The following SMYD3 variants were observed in gnomAD, a reference collection of about 807,000 sequenced individuals.
SMYD3 encodes histone-lysine N-methyltransferase SMYD3.
Under a neutral mutation model 57.7 loss-of-function variants are expected in SMYD3, and 36 were observed. The ratio of observed to expected loss-of-function variants is 0.62; its 90% confidence interval spans 0.48 to 0.82. The LOEUF is 0.82. Ranked by LOEUF, SMYD3 falls within the 40% of genes least tolerant of loss-of-function variation. The pLI, the probability that SMYD3 is intolerant of heterozygous loss-of-function variation, is 0.00. For synonymous variants in SMYD3, 211 were observed against 195.0 expected (o/e 1.08, Z -0.68); for missense variants, 515 against 538.8 (o/e 0.96, Z 0.44).
chr1:246,085,250 G>A (rs2060703331), intron 5 of SMYD3, among the ~76,000 whole-genome samples: 1 of 152,114 alleles, frequency 6.6e-6, no homozygotes, highest in African/African-American at 2.4e-5. Context: ...GTACCCTAAT[G>A]AGGAATTAAT....
chr1:246,423,327 T>C (rs1264441836), intron 1 of SMYD3, among the ~76,000 whole-genome samples: 3 of 143,834 alleles, frequency 2.1e-5, no homozygotes, highest in African/African-American at 7.7e-5. Flanking sequence ...AAAAGAAAAA[T>C]AGAGTCAGAA....
intron 5 of SMYD3, among the ~76,000 whole-genome samples, chr1:246,170,446 T>C (rs1367376557): frequency 6.6e-6 from 1 of 151,186 alleles, no homozygotes; most frequent in African/African-American, 2.4e-5. Flanking sequence ...AAAAGTATAA[T>C]TACTGCTTTC....
chr1:246,208,329 T>A (rs1481608851), intron 5 of SMYD3, among the ~76,000 whole-genome samples: 3 of 152,134 alleles, frequency 2.0e-5, no homozygotes, highest in African/African-American at 7.2e-5. Context: ...GGAGCTGATA[T>A]GACTGTAAAA....
At chr1:246,490,069 T>C (rs2068246622) in intron 1 of SMYD3, among the ~76,000 whole-genome samples, 2 of 147,660 alleles carry the variant, frequency 1.4e-5, no homozygotes. Flanking sequence ...CTGGAGCTTC[T>C]GGGCTCAAGT....
At chr1:246,414,424 G>C (rs1572478980) in intron 1 of SMYD3, among the ~76,000 whole-genome samples, 1 of 152,170 alleles carries the variant, frequency 6.6e-6, no homozygotes, top group Non-Finnish European at 1.5e-5. Flanking sequence ...GGGACACAGA[G>C]GAGGGTCCAC....
At chr1:245,944,450 T>C (rs751174930) in intron 5 of SMYD3, among the ~76,000 whole-genome samples, 3 of 152,018 alleles carry the variant, frequency 2.0e-5, no homozygotes, top group Non-Finnish European at 4.4e-5. Context: ...ATAAAGAATC[T>C]CTTCAAGGAG....
chr1:245,875,596 A>G (rs1046457161), intron 8 of SMYD3, among the ~76,000 whole-genome samples: 2 of 152,206 alleles, frequency 1.3e-5, no homozygotes, highest in Admixed American at 6.5e-5. Context: ...GATGTTCAAA[A>G]TGGCTTTTTG....
chr1:245,869,499 G>C (rs2052058689), intron 8 of SMYD3, among the ~76,000 whole-genome samples: 1 of 152,140 alleles, frequency 6.6e-6, no homozygotes, highest in Non-Finnish European at 1.5e-5. Flanking sequence ...TCCATCTCTG[G>C]TGACTGCTCT....
chr1:246,137,592 C>G (rs1558260337), intron 5 of SMYD3, among the ~76,000 whole-genome samples: 2 of 152,072 alleles, frequency 1.3e-5, no homozygotes, highest in Non-Finnish European at 2.9e-5. Context: ...CACTGGATAC[C>G]ATAACAACCT....
intron 10 of SMYD3, among the ~76,000 whole-genome samples, chr1:245,770,279 G>A (rs959625461): frequency 6.6e-6 from 1 of 152,194 alleles, no homozygotes. Context: ...GAGACAGAGA[G>A]GCTCACCAGC....
chr1:246,348,990 G>C (rs901442115), intron 2 of SMYD3, among the ~76,000 whole-genome samples: 1 of 152,030 alleles, frequency 6.6e-6, no homozygotes, highest in African/African-American at 2.4e-5. Flanking sequence ...GTACCCTGTG[G>C]AATTACCCTT....
chr1:245,812,150 A>G (rs2048507714), intron 10 of SMYD3, among the ~76,000 whole-genome samples: 1 of 152,206 alleles, frequency 6.6e-6, no homozygotes, highest in African/African-American at 2.4e-5. Context: ...GTGTGTGGGC[A>G]ACTCACTTTA....
rs565631142 is a variant in SMYD3 at position 246,152,241 on chromosome 1, G to A, written c.531+174960C>T. Among the ~76,000 whole-genome samples, 7 of 152,306 alleles carry A rather than the reference G, an allele frequency of 4.6e-5. No homozygotes were observed. The East Asian group carries it at 1.4e-3, about 29-fold the overall frequency. ...AGGCAGCCTGGGACACCTGGCGTCT[G>A]GAGAGCAGGGATGACGATGTAGAGA... is the stretch of plus-strand genomic sequence containing the variant. On this transcript the variant is annotated intron_variant, in intron 5 of 11. Coordinates refer to ENST00000490107, the MANE Select transcript of SMYD3 (RefSeq NM_001167740.2).
In SMYD3 at chr1:245,818,656, C is replaced by T. The variant is rs28829977; in HGVS notation, c.1076+39840G>A. Among the ~76,000 whole-genome samples, 1,356 of 151,402 alleles carry T rather than the reference C, an allele frequency of 9.0e-3. 12 individuals carry two copies. Among genetic ancestry groups the T allele is most frequent in the African/African-American group, 0.03 (1,230 of 40,982 alleles). ...TGCTGTATTCAGGAAACCCATCTCA[C>T]GAGCAGAGACACACATAGGCTCAAA... On this transcript the variant is annotated intron_variant, in intron 10 of 11. Transcript: ENST00000490107.
intron 1 of SMYD3, among the ~76,000 whole-genome samples, chr1:246,475,517 G>A (rs923672555): frequency 2.6e-5 from 4 of 151,772 alleles, no homozygotes; most frequent in African/African-American, 7.3e-5. Flanking sequence ...ATGATGGCGC[G>A]TGCCTGTAGT....
At chr1:246,320,593 T>C (rs1471521404) in intron 5 of SMYD3, among the ~76,000 whole-genome samples, 1 of 152,212 alleles carries the variant, frequency 6.6e-6, no homozygotes, top group African/African-American at 2.4e-5. Flanking sequence ...AAACATTCTA[T>C]GCAACTAGTC....
chr1:245,806,825 G>T (rs1045768423), intron 10 of SMYD3, among the ~76,000 whole-genome samples: 8 of 148,552 alleles, frequency 5.4e-5, no homozygotes, highest in Admixed American at 1.4e-4. Context: ...CAGGAGAATG[G>T]CGTGAACCCG....
chr1:246,187,608 G>T (rs1437103510), intron 5 of SMYD3, among the ~76,000 whole-genome samples: 2 of 152,098 alleles, frequency 1.3e-5, no homozygotes, highest in Non-Finnish European at 1.5e-5. Context: ...TACAAGCTTT[G>T]AAACTTTTAA....
At chr1:245,787,853 A>T (rs2047109360) in intron 10 of SMYD3, among the ~76,000 whole-genome samples, 1 of 152,182 alleles carries the variant, frequency 6.6e-6, no homozygotes, top group African/African-American at 2.4e-5. Flanking sequence ...AACCACGGAG[A>T]GTTGAGCTTC....
Sources: allele counts gnomAD v4.1 joint callset (sites outside exome capture counted in the v4.1 genomes callset), GRCh38; gene constraint gnomAD v4.1.1; transcripts MANE v1.5; gene names NCBI Gene and HGNC (gene_info 2026-07-23, HGNC 2026-07-21).